AGBL4: variants seen among roughly 807,000 people sequenced by gnomAD.
AGBL4 encodes AGBL carboxypeptidase 4, also known as cytosolic carboxypeptidase 6.
A neutral mutation model predicts 66.4 loss-of-function variants in AGBL4; 58 were observed. The ratio of observed to expected loss-of-function variants is 0.87; its 90% CI spans 0.71 to 1.09. The LOEUF (loss-of-function observed/expected upper bound fraction) is 1.09. AGBL4 is among the 50% of genes least tolerant of loss of function. AGBL4 has a pLI of 0.00. For missense variants in AGBL4, 579 were observed against 631.0 expected (o/e 0.92, Z 0.88); for synonymous variants, 234 against 222.9 (o/e 1.05, Z -0.44).
At chr1:49,889,953 T>G (rs1648470320) in intron 1 of AGBL4, among the ~76,000 whole-genome samples, 1 of 152,196 alleles carries the variant, frequency 6.6e-6, no homozygotes, top group Non-Finnish European at 1.5e-5. Context: ...CAGATTATGC[T>G]TATATCATTT....
intron 2 of AGBL4, among the ~76,000 whole-genome samples, chr1:49,785,309 A>C (rs891044987): frequency 2.6e-5 from 4 of 152,046 alleles, no homozygotes; most frequent in African/African-American, 9.7e-5. Flanking sequence ...CAAAATTACT[A>C]AAAGAATGTA....
chr1:48,952,003 C>G (rs759185953), intron 5 of AGBL4, among the ~76,000 whole-genome samples: 1 of 152,174 alleles, frequency 6.6e-6, no homozygotes, highest in Non-Finnish European at 1.5e-5. Context: ...ATGAAGAAAT[C>G]TCAAGCTGAA....
At chr1:49,355,978 C>T (rs1464036454) in intron 3 of AGBL4, among the ~76,000 whole-genome samples, 2 of 152,148 alleles carry the variant, frequency 1.3e-5, no homozygotes, top group Admixed American at 1.3e-4. Flanking sequence ...AAAGCCAATT[C>T]TTTCTTAGGG....
chr1:49,690,671 T>C (rs551837059), intron 3 of AGBL4, among the ~76,000 whole-genome samples: 1 of 152,284 alleles, frequency 6.6e-6, no homozygotes, highest in East Asian at 1.9e-4. Flanking sequence ...CATTGAAGTG[T>C]TCCGTAAATT....
At chr1:49,451,300 G>T (rs1646273043) in intron 3 of AGBL4, among the ~76,000 whole-genome samples, 1 of 151,836 alleles carries the variant, frequency 6.6e-6, no homozygotes, top group East Asian at 1.9e-4. Flanking sequence ...ATTAGGTTAG[G>T]CACACCTAGA....
At position 49,823,393 on chromosome 1, in the gene AGBL4, C is replaced by G. The variant is rs148420325; in HGVS notation, c.157+28003G>C. Among the ~76,000 whole-genome samples, 244 of 152,262 alleles carry G rather than the reference C, an allele frequency of 1.6e-3. 2 individuals carry two copies. The highest frequency in any genetic ancestry group is 6.8e-3 in the Middle Eastern group (2 of 294). On this transcript the variant is annotated intron_variant, in intron 2 of 13. Coordinates refer to ENST00000371839, the MANE Select transcript of AGBL4 (RefSeq NM_032785.4). ...GAAGAATATCATGGGCCCAACTGAG[C>G]TGGTAACTCTAGTAGACATAGTTTA... is the stretch of plus-strand genomic sequence containing the variant.
chr1:49,851,364 A>C, intron 2 of AGBL4, 32 bp downstream of exon 2: 3 of 1,519,772 alleles, frequency 2.0e-6, no homozygotes, highest in Non-Finnish European at 2.6e-6. Flanking sequence ...TTACCAGACA[A>C]ACTTAAAAGG....
chr1:49,216,677 G>A (rs1649119287), intron 4 of AGBL4, among the ~76,000 whole-genome samples: 2 of 152,142 alleles, frequency 1.3e-5, no homozygotes, highest in South Asian at 4.2e-4. Flanking sequence ...GCTTTTAAGT[G>A]TTTCCTCAAG....
intron 11 of AGBL4, among the ~76,000 whole-genome samples, chr1:48,573,559 TG>T (rs201298080): frequency 0.13 from 20,201 of 152,136 alleles, 1,509 homozygotes; most frequent in East Asian, 0.23. Context: ...TAATCCTAAA[TG>T]AATTTGTCCT....
At chr1:48,553,140 A>G (rs753251849) in intron 11 of AGBL4, among the ~76,000 whole-genome samples, 47 of 151,988 alleles carry the variant, frequency 3.1e-4, no homozygotes, top group Admixed American at 5.2e-4. Context: ...GGCACCAGCA[A>G]TTTCCCAGCA....
chr1:49,351,855 T>G (rs567577989), intron 3 of AGBL4, among the ~76,000 whole-genome samples: 9 of 152,288 alleles, frequency 5.9e-5, no homozygotes, highest in African/African-American at 2.2e-4. Context: ...AATGAGATAT[T>G]TATACCAGAT....
chr1:48,689,972 C>A (rs1646602932), intron 6 of AGBL4, among the ~76,000 whole-genome samples: 1 of 152,180 alleles, frequency 6.6e-6, no homozygotes, highest in Non-Finnish European at 1.5e-5. Flanking sequence ...AGCCTCTGAG[C>A]CAACCCTCCT....
At chr1:48,857,050 C>T (rs929371114) in intron 6 of AGBL4, among the ~76,000 whole-genome samples, 1 of 152,154 alleles carries the variant, frequency 6.6e-6, no homozygotes, top group Non-Finnish European at 1.5e-5. Context: ...ATTGTGTTCA[C>T]GTGGACAGTT....
intron 4 of AGBL4, among the ~76,000 whole-genome samples, chr1:49,052,670 T>C (rs1644241469): frequency 6.6e-6 from 1 of 152,172 alleles, no homozygotes; most frequent in Non-Finnish European, 1.5e-5. Flanking sequence ...TGAAGTTTTG[T>C]ATCCAGATTA....
intron 6 of AGBL4, among the ~76,000 whole-genome samples, chr1:48,844,062 T>C (rs897961720): frequency 6.6e-6 from 1 of 152,224 alleles, no homozygotes; most frequent in Non-Finnish European, 1.5e-5. Flanking sequence ...AGTCTCCTTC[T>C]GCCCCCCAAC....
chr1:49,671,236 A>T (rs1367823325), intron 3 of AGBL4, among the ~76,000 whole-genome samples: 1 of 152,100 alleles, frequency 6.6e-6, no homozygotes, highest in Non-Finnish European at 1.5e-5. Context: ...AATGGGGAAA[A>T]GATTTCCTAT....
At chr1:49,350,209 G>GT (rs1378236184) in intron 3 of AGBL4, among the ~76,000 whole-genome samples, 1,963 of 136,078 alleles carry the variant, frequency 0.014, 22 homozygotes, top group African/African-American at 0.016. Flanking sequence ...GTTTTGTTTT[G>GT]TTTTTTTTTT....
At chr1:49,535,691 T>A in intron 3 of AGBL4, among the ~76,000 whole-genome samples, 1 of 152,038 alleles carries the variant, frequency 6.6e-6, no homozygotes, top group South Asian at 2.1e-4. Flanking sequence ...TTTCGTTTGG[T>A]TTTTTTTGTT....
At chr1:49,579,141 T>C (rs1429832699) in intron 3 of AGBL4, among the ~76,000 whole-genome samples, 7 of 152,192 alleles carry the variant, frequency 4.6e-5, no homozygotes, top group Admixed American at 1.3e-4. Context: ...TGGCTTTCCT[T>C]GCTGCTCAAG....
Sources: gnomAD v4.1 joint callset for allele counts (sites outside exome capture counted in the v4.1 genomes callset) on GRCh38, gnomAD v4.1.1 for gene constraint, MANE v1.5 for transcripts, NCBI Gene and HGNC (gene_info 2026-07-23, HGNC 2026-07-21) for gene names.